The following SCGB3A2 variants were observed in gnomAD, a reference collection of about 807,000 sequenced individuals.
SCGB3A2 encodes the protein secretoglobin family 3A member 2.
In SCGB3A2, 5 loss-of-function variants were observed where a neutral mutation model predicts 7.7. That is an observed-to-expected ratio of 0.65 (90% CI 0.34 to 1.36). The LOEUF (loss-of-function observed/expected upper bound fraction) is 1.36, where lower values mean the gene tolerates loss of function less well. SCGB3A2 is among the 40% of genes most tolerant of loss of function. The probability of loss-of-function intolerance (pLI) is 0.04; values close to 1 mark genes in which losing one functional copy is unlikely to be tolerated. For missense variants in SCGB3A2, 109 were observed against 103.6 expected (o/e 1.05, Z -0.23); for synonymous variants, 44 against 42.7 (o/e 1.03, Z -0.12).
Position 147,881,539 on chromosome 5 carries a change from A to G in SCGB3A2, c.149A>G (p.Lys50Arg), listed in dbSNP as rs763908581. Reference sequence around the variant, plus strand: ...ATTCTTCCCTTTATGGATCCATTAAAGCTTCTTCTGAAAACTCTGGGCATT... The same window carrying G: ...ATTCTTCCCTTTATGGATCCATTAAGGCTTCTTCTGAAAACTCTGGGCATT... Reference protein sequence around the residue: ...DNILPFMDPLKLLLKTLGISV... With the variant: ...DNILPFMDPLRLLLKTLGISV... Residue 50 changes from lysine (K) to arginine (R), a missense_variant, in exon 2 of 3, where the codon AAG becomes AGG. Physicochemically the swap from Lys to Arg is conservative, Grantham distance 26 (BLOSUM62 2). Transcript: ENST00000296694. The G allele has an allele frequency of 2.8e-5, 45 of 1,613,924 alleles. 1 individual carries two copies. The South Asian group carries it at 4.6e-4, about 17-fold the overall frequency.
intron 1 of SCGB3A2, 128 bp from the exon 2 acceptor site, chr5:147,881,318 A>T (rs1757344304): frequency 3.9e-6 from 3 of 761,324 alleles, no homozygotes. Flanking sequence ...GGCCAGAGGT[A>T]GAAGTTTTCA....
chr5:147,879,142 C>T (rs199926505), intron 1 of SCGB3A2, among the ~76,000 whole-genome samples: 1 of 152,290 alleles, frequency 6.6e-6, no homozygotes, highest in East Asian at 1.9e-4. Flanking sequence ...AGGAAGTTAG[C>T]CAACTTCCAC....
At chr5:147,880,757 G>T (rs1292100567) in intron 1 of SCGB3A2, 1 of 152,516 alleles carries the variant, frequency 6.6e-6, no homozygotes, top group African/African-American at 2.4e-5. Flanking sequence ...ACTGGACTGT[G>T]TGAAGTCTCT....
At chr5:147,881,078 C>T (rs1214807300) in intron 1 of SCGB3A2, 2 of 211,558 alleles carry the variant, frequency 9.5e-6, no homozygotes, top group African/African-American at 4.7e-5. Flanking sequence ...ATTCCTTGTT[C>T]TCATGGAGCC....
At chr5:147,881,921 C>A in intron 2 of SCGB3A2, 106 bp from the exon 3 acceptor site, 1 of 1,236,694 alleles carries the variant, frequency 8.1e-7, no homozygotes, top group East Asian at 2.3e-5. Context: ...TTTTGTTTCC[C>A]CATCAGTAAA....
At position 147,881,619 on chromosome 5, in the gene SCGB3A2, G is replaced by C. The variant is rs1158852948; in HGVS notation, c.229G>C (p.Glu77Gln). The C allele has an allele frequency of 6.2e-7, 1 of 1,613,886 alleles. No individual in the cohort carries two copies. Residue 77 changes from glutamate to glutamine, a missense_variant, in exon 2 of 3, where the codon GAG becomes CAG. Glu to Gln is a conservative substitution (Grantham distance 29, BLOSUM62 2). Transcript: ENST00000296694. The part of the protein sequence containing the change: ...LRKCVNELGP[E>Q]ASEAVKKLLE... ...GAAGTGTGTAAATGAGCTGGGACCAGAGGCTTCTGAAGCTGTGAAGAAACT... is the reference window on the plus strand; with the variant it reads ...GAAGTGTGTAAATGAGCTGGGACCACAGGCTTCTGAAGCTGTGAAGAAACT...
intron 1 of SCGB3A2, among the ~76,000 whole-genome samples, chr5:147,879,201 T>C (rs1757308213): frequency 1.3e-5 from 2 of 152,176 alleles, no homozygotes; most frequent in Admixed American, 1.3e-4. Flanking sequence ...TCACCATTCG[T>C]TTTTCTTATT....
chr5:147,879,587 A>G (rs540458461), intron 1 of SCGB3A2, among the ~76,000 whole-genome samples: 25 of 152,304 alleles, frequency 1.6e-4, no homozygotes, highest in African/African-American at 5.3e-4. Context: ...GTAAGGGTAT[A>G]GAAGCTGGCT....
In SCGB3A2 at chr5:147,881,540, G is replaced by A. The variant is rs780518946; in HGVS notation, c.150G>A (p.Lys50=). 117 of 1,613,904 alleles carry A rather than the reference G, an allele frequency of 7.2e-5. No individual in the cohort carries two copies. The highest frequency in any genetic ancestry group is 9.6e-5 in the Non-Finnish European group (113 of 1,179,948). ...DNILPFMDPL[K]LLLKTLGISV... is the part of the protein sequence containing the mutation. ...TTCTTCCCTTTATGGATCCATTAAA[G>A]CTTCTTCTGAAAACTCTGGGCATTT... is the stretch of plus-strand genomic sequence containing the variant. The change falls in exon 2 of 3, where the codon AAG becomes AAA. Residue 50 remains lysine (K), a synonymous_variant. Coordinates refer to ENST00000296694, the MANE Select transcript of SCGB3A2 (RefSeq NM_054023.5).
At chr5:147,880,899 T>A (rs2127118374) in intron 1 of SCGB3A2, 1 of 154,228 alleles carries the variant, frequency 6.5e-6, no homozygotes, top group East Asian at 1.9e-4. Context: ...TCCATTCCTG[T>A]CTTTATGTGG....
At chr5:147,879,558 T>G (rs1191850485) in intron 1 of SCGB3A2, among the ~76,000 whole-genome samples, 1 of 152,148 alleles carries the variant, frequency 6.6e-6, no homozygotes, top group Non-Finnish European at 1.5e-5. Flanking sequence ...TATTGGTGGG[T>G]GATTAGTTTA....
Position 147,881,562 on chromosome 5 carries a change from A to G in SCGB3A2, c.172A>G (p.Ile58Val), listed in dbSNP as rs750911275. The G allele has an allele frequency of 8.1e-6, 13 of 1,613,970 alleles. No homozygotes were observed. The highest frequency in any genetic ancestry group is 1.1e-5 in the Non-Finnish European group (13 of 1,179,910). Residue 58 changes from isoleucine to valine, a missense_variant, in exon 2 of 3, where the codon ATT (isoleucine) becomes GTT (valine). Coordinates refer to ENST00000296694, the MANE Select transcript of SCGB3A2 (RefSeq NM_054023.5). The stretch of plus-strand genomic sequence containing the variant: ...AAAGCTTCTTCTGAAAACTCTGGGC[A>G]TTTCTGTTGAGCACCTTGTGGAGGG... The part of the protein sequence containing the change: ...PLKLLLKTLG[I>V]SVEHLVEGLR...
intron 1 of SCGB3A2, chr5:147,881,165 A>G (rs1474215100): frequency 1.1e-5 from 4 of 352,714 alleles, no homozygotes; most frequent in African/African-American, 6.3e-5. Flanking sequence ...GTAAGAAAAA[A>G]TAAATGACGG....
At chr5:147,878,958 G>A in intron 1 of SCGB3A2, 100 bp downstream of exon 1, 1 of 786,824 alleles carries the variant, frequency 1.3e-6, no homozygotes, top group Non-Finnish European at 2.2e-6. Flanking sequence ...GTGGAATATG[G>A]TGGTAGGAAT....
intron 1 of SCGB3A2, chr5:147,881,025 C>T (rs892437649): frequency 8.0e-5 from 14 of 175,768 alleles, no homozygotes; most frequent in African/African-American, 3.4e-4. Context: ...CTTACGCTGC[C>T]AGGGTCAGTT....
intron 1 of SCGB3A2, among the ~76,000 whole-genome samples, chr5:147,880,294 C>T (rs73261382): frequency 0.19 from 28,618 of 152,058 alleles, 3,142 homozygotes; most frequent in Admixed American, 0.28. Flanking sequence ...AGATATAAAA[C>T]GTAATTTTCC....
rs750911275 is a variant in SCGB3A2 at position 147,881,562 on chromosome 5, A to T, written c.172A>T (p.Ile58Phe). The stretch of plus-strand genomic sequence containing the variant: ...AAAGCTTCTTCTGAAAACTCTGGGC[A>T]TTTCTGTTGAGCACCTTGTGGAGGG... ...PLKLLLKTLGISVEHLVEGLR... is the reference protein window; with the variant it reads ...PLKLLLKTLGFSVEHLVEGLR... Residue 58 changes from isoleucine to phenylalanine, a missense_variant, in exon 2 of 3, where the codon ATT becomes TTT. Physicochemically the swap from Ile to Phe is conservative, Grantham distance 21. Transcript: ENST00000296694. 7.4e-6 allele frequency: 12 copies of T among 1,613,852 alleles called. No individual in the cohort carries two copies. The highest frequency in any genetic ancestry group is 6.7e-5 in the African/African-American group (5 of 74,902).
chr5:147,878,801 G>T lies in SCGB3A2; in HGVS notation c.-3G>T. On this transcript the variant is annotated 5_prime_UTR_variant, in exon 1 of 3. Transcript: ENST00000296694. ...CTCCTGAAAAATATCCCAGATAACT[G>T]TCATGAAGCTGGTAACTATCTTCCT... 1 of 1,612,224 alleles carries T rather than the reference G, an allele frequency of 6.2e-7. No individual in the cohort carries two copies. The highest frequency in any genetic ancestry group is 8.5e-7 in the Non-Finnish European group (1 of 1,178,352).
In SCGB3A2 at chr5:147,881,426, G is replaced by T; in HGVS notation, c.56-20G>T. On this transcript the variant is annotated intron_variant, in intron 1 of 2. Transcript: ENST00000296694. ...GGGCCCAGATGTGCCTGTCTCACCT[G>T]GTTTCTCTTTTTCCTGCAGCTACTG... 2 of 1,607,386 alleles carry T rather than the reference G, an allele frequency of 1.2e-6. No individual in the cohort carries two copies. The highest frequency in any genetic ancestry group is 1.7e-6 in the Non-Finnish European group (2 of 1,174,168).
Sources: allele counts gnomAD v4.1 joint callset (sites outside exome capture counted in the v4.1 genomes callset), GRCh38; gene constraint gnomAD v4.1.1; transcripts MANE v1.5; gene names NCBI Gene and HGNC (gene_info 2026-07-23, HGNC 2026-07-21).